The following CASP9 variants were observed in gnomAD, a reference collection of about 807,000 sequenced individuals.
CASP9 encodes the protein caspase 9.
Under a neutral mutation model 43.5 loss-of-function variants are expected in CASP9, and 29 were observed. The ratio of observed to expected loss-of-function variants is 0.67; its 90% CI spans 0.50 to 0.91. CASP9 has a LOEUF of 0.91. Ranked by LOEUF, CASP9 falls within the 40% of genes least tolerant of loss-of-function variation. The pLI is 0.00. For synonymous variants in CASP9, 206 were observed against 211.9 expected, an observed-to-expected ratio of 0.97 and a Z score of 0.24; for missense variants, 575 against 537.4, an observed-to-expected ratio of 1.07 and a Z score of -0.69.
At chr1:15,504,485 T>A in intron 6 of CASP9, 126 bp downstream of exon 6, 1 of 921,852 alleles carries the variant, frequency 1.1e-6, no homozygotes, top group Non-Finnish European at 1.6e-6. Flanking sequence ...AAAGGGACCA[T>A]GTGTGGTACC....
In CASP9 at chr1:15,524,051, A is replaced by AGGGGGTC; in HGVS notation, c.132+17_132+18insGACCCCC. On this transcript the variant is annotated intron_variant, in intron 1 of 8. Coordinates refer to ENST00000333868, the MANE Select transcript of CASP9 (RefSeq NM_001229.5). ...GGACCCGGCCGTGCAGCGCGGGGAC[A>AGGGGGTC]GGGGGCCGGGGGCGCACCTGGATGT... 7.2e-7 allele frequency: 1 copy of AGGGGGTC among 1,392,352 alleles called. No homozygotes were observed. Among genetic ancestry groups the AGGGGGTC allele is most frequent in the Non-Finnish European group, 9.4e-7 (1 of 1,066,824 alleles). 86.2% of individuals were successfully genotyped at this position (1,392,352 alleles called of 1,614,324 possible). A position where few individuals can be genotyped will look rare whatever the true frequency, so the allele number is the denominator to read the frequency against.
At position 15,507,925 on chromosome 1, in the gene CASP9, G is replaced by T; in HGVS notation, c.419-18C>A. On this transcript the variant is annotated intron_variant, in intron 2 of 8. Coordinates refer to ENST00000333868, the MANE Select transcript of CASP9 (RefSeq NM_001229.5). ...AAGAGCACCTGAAGAGGCAGAGAAA[G>T]AGAGAAACATGAATGTTGGGTTACA... The T allele has an allele frequency of 6.2e-7, 1 of 1,614,040 alleles. No homozygotes were observed. Among genetic ancestry groups the T allele is most frequent in the East Asian group, 2.2e-5 (1 of 44,886 alleles).
Position 15,524,166 on chromosome 1 carries a change from C to G in CASP9, c.35G>C (p.Cys12Ser). Residue 12 changes from cysteine (C) to serine (S), a missense_variant, in exon 1 of 9, where the codon TGC becomes TCC. Cys to Ser is a moderately radical substitution (Grantham distance 112, BLOSUM62 -1). Coordinates refer to ENST00000333868, the MANE Select transcript of CASP9 (RefSeq NM_001229.5). Reference sequence around the variant, plus strand: ...CAGCTCTTCCACCAGCCGCAGCCGGCACCGCCGCAGGAGCCGCCGATCCGC... The same window carrying G: ...CAGCTCTTCCACCAGCCGCAGCCGGGACCGCCGCAGGAGCCGCCGATCCGC... ...DEADRRLLRRCRLRLVEELQV... is the reference protein window; with the variant it reads ...DEADRRLLRRSRLRLVEELQV... 6.5e-7 allele frequency: 1 copy of G among 1,539,528 alleles called. No individual in the cohort carries two copies. The highest frequency in any genetic ancestry group is 8.7e-7 in the Non-Finnish European group (1 of 1,146,946).
intron 3 of CASP9, 53 bp from the exon 4 acceptor site, chr1:15,507,128 G>C (rs745918038): frequency 1.2e-6 from 2 of 1,608,542 alleles, no homozygotes; most frequent in Non-Finnish European, 1.7e-6. Flanking sequence ...CTCCCTAGAG[G>C]ACAGTCTGGA....
chr1:15,493,396 T>C (rs1244469510), intron 8 of CASP9: 1 of 1,225,576 alleles, frequency 8.2e-7, no homozygotes, highest in Non-Finnish European at 1.0e-6. Context: ...AGGAAGCAAC[T>C]GCTCTGAGTC....
chr1:15,499,172 G>C (rs1312483741), intron 6 of CASP9, among the ~76,000 whole-genome samples: 1 of 152,194 alleles, frequency 6.6e-6, no homozygotes, highest in Non-Finnish European at 1.5e-5. Flanking sequence ...CCCCCAGACA[G>C]AGGCTGACTG....
At chr1:15,500,531 G>A (rs887753695) in intron 6 of CASP9, among the ~76,000 whole-genome samples, 5 of 152,282 alleles carry the variant, frequency 3.3e-5, no homozygotes, top group East Asian at 1.9e-4. Flanking sequence ...TATGAGGGGC[G>A]CGGAATTCTG....
At chr1:15,502,274 G>A (rs1709357542) in intron 6 of CASP9, among the ~76,000 whole-genome samples, 1 of 152,134 alleles carries the variant, frequency 6.6e-6, no homozygotes, top group East Asian at 1.9e-4. Flanking sequence ...GGCCAAGAAA[G>A]GGGGTGTTTA....
rs1553144438 is a variant in CASP9 at position 15,524,058 on chromosome 1, C to CGGGGGAG, written c.132+10_132+11insCTCCCCC. On this transcript the variant is annotated intron_variant, in intron 1 of 8. Coordinates refer to ENST00000333868, the MANE Select transcript of CASP9 (RefSeq NM_001229.5). ...GCCGTGCAGCGCGGGGACAGGGGGC[C>CGGGGGAG]GGGGGCGCACCTGGATGTCCTCGAT... 6.7e-7 allele frequency: 1 copy of CGGGGGAG among 1,481,824 alleles called. No individual in the cohort carries two copies. The allele number at this position is 1,481,824 out of a possible 1,614,324, so 91.8% of individuals were successfully genotyped here. A position where few individuals can be genotyped will look rare whatever the true frequency, so the allele number is the denominator to read the frequency against.
chr1:15,500,940 G>GT (rs1709305754), intron 6 of CASP9, among the ~76,000 whole-genome samples: 1 of 152,190 alleles, frequency 6.6e-6, no homozygotes, highest in Non-Finnish European at 1.5e-5. Context: ...CTCCGTTCAC[G>GT]TGTCAGCCTC....
intron 7 of CASP9, among the ~76,000 whole-genome samples, chr1:15,495,014 G>A (rs377106722): frequency 6.6e-6 from 1 of 152,038 alleles, no homozygotes; most frequent in Non-Finnish European, 1.5e-5. Context: ...TGCTAAAGAT[G>A]CGAAGGCAGA....
intron 4 of CASP9, 122 bp from the exon 5 acceptor site, chr1:15,506,201 C>A: frequency 1.5e-6 from 1 of 673,912 alleles, no homozygotes; most frequent in African/African-American, 1.8e-5. Flanking sequence ...GTAATCCCAG[C>A]ACTTTGGGAG....
Position 15,506,839 on chromosome 1 carries a change from A to G in CASP9, c.630+60T>C, listed in dbSNP as rs1225554566. 7 of 1,461,434 alleles carry G rather than the reference A, an allele frequency of 4.8e-6. No individual in the cohort carries two copies. In the African/African-American group the frequency reaches 7.0e-5, roughly 15 times the overall value. The allele number at this position is 1,461,434 out of a possible 1,614,324, so 90.5% of individuals were successfully genotyped here. A position where few individuals can be genotyped will look rare whatever the true frequency, so the allele number is the denominator to read the frequency against. On this transcript the variant is annotated intron_variant, in intron 4 of 8. Coordinates refer to ENST00000333868, the MANE Select transcript of CASP9 (RefSeq NM_001229.5). ...GTCAGCTGGCTTTTGGAGTCCCTCA[A>G]AAGATACTTCCCCACCCACTGCCCC...
intron 1 of CASP9, among the ~76,000 whole-genome samples, chr1:15,521,735 T>A (rs886461090): frequency 2.0e-5 from 3 of 152,016 alleles, no homozygotes; most frequent in Non-Finnish European, 4.4e-5. Context: ...CTACCCTGTC[T>A]CCACGTCTAG....
In CASP9 at chr1:15,515,661, AG is replaced by A. The variant is rs1439408913; in HGVS notation, c.418+2448del. On this transcript the variant is annotated intron_variant, in intron 2 of 8. Transcript: ENST00000333868. ...TGGTGAATTTTTGTTGAAAGAAAAC[AG>A]CACTTTTTACCCATCACACAGGAAA... is the stretch of plus-strand genomic sequence containing the variant. Among the ~76,000 whole-genome samples, 12 of 152,388 alleles carry A rather than the reference AG, an allele frequency of 7.9e-5. No individual in the cohort carries two copies. The East Asian group carries it at 2.1e-3, about 27-fold the overall frequency.
chr1:15,499,401 CCTCT>C (rs554566438), intron 6 of CASP9, among the ~76,000 whole-genome samples: 124 of 152,212 alleles, frequency 8.1e-4, no homozygotes, highest in African/African-American at 2.8e-3. Context: ...CCTTGTGTTC[CCTCT>C]CTATTTTGTC....
chr1:15,523,396 CA>C (rs1217983170), intron 1 of CASP9, among the ~76,000 whole-genome samples: 1 of 152,232 alleles, frequency 6.6e-6, no homozygotes, highest in African/African-American at 2.4e-5. Flanking sequence ...CGCTGCCAGG[CA>C]GCCTGATGCC....
At position 15,519,929 on chromosome 1, in the gene CASP9, G is replaced by A. The variant is rs4646002; in HGVS notation, c.133-1534C>T. 8.6e-3 allele frequency: 1,305 copies of A among 152,292 alleles called. 18 individuals carry two copies. Among genetic ancestry groups the A allele is most frequent in the African/African-American group, 0.029 (1,185 of 41,484 alleles). The allele number at this position is 152,292 out of a possible 1,614,324, so 9.4% of individuals were successfully genotyped here. On this transcript the variant is annotated intron_variant, in intron 1 of 8. Transcript: ENST00000333868. ...GCTGAGGCTCCCAAGAGGATGGCTC[G>A]AGCCCAGGAGATAAGGCTGCAGTGA...
intron 6 of CASP9, among the ~76,000 whole-genome samples, chr1:15,495,987 G>A (rs1413176468): frequency 2.0e-5 from 3 of 152,162 alleles, no homozygotes; most frequent in Non-Finnish European, 4.4e-5. Flanking sequence ...CCTGAAAACT[G>A]TGTACTTCTC....
Sources: allele counts gnomAD v4.1 joint callset (sites outside exome capture counted in the v4.1 genomes callset), GRCh38; gene constraint gnomAD v4.1.1; transcripts MANE v1.5; gene names NCBI Gene and HGNC (gene_info 2026-07-23, HGNC 2026-07-21).